The following CCDC85A variants were observed in gnomAD, a reference collection of about 807,000 sequenced individuals.
The protein encoded by CCDC85A is coiled-coil domain containing 85A, also known as coiled-coil domain-containing protein 85A.
Under a neutral mutation model 50.2 loss-of-function variants are expected in CCDC85A, and 38 were observed. The ratio of observed to expected loss-of-function variants is 0.76; its 90% CI spans 0.58 to 0.99. CCDC85A has a LOEUF of 0.99. Among genes scored for constraint, CCDC85A ranks in the 50% least tolerant of loss-of-function variants. CCDC85A has a pLI of 0.00. For missense variants in CCDC85A, 820 were observed against 742.0 expected (o/e 1.11, Z -1.22); for synonymous variants, 366 against 301.4 (o/e 1.21, Z -2.22).
chr2:56,215,631 TC>T (rs1159646413), intron 2 of CCDC85A, among the ~76,000 whole-genome samples: 1 of 151,790 alleles, frequency 6.6e-6, no homozygotes, highest in Non-Finnish European at 1.5e-5. Context: ...AAATGCTTTT[TC>T]TATGTCAGTT....
chr2:56,265,278 C>G (rs930072446), intron 2 of CCDC85A, among the ~76,000 whole-genome samples: 45 of 152,308 alleles, frequency 3.0e-4, no homozygotes, highest in African/African-American at 1.0e-3. Context: ...AACAAACTAA[C>G]TAGAGTAATC....
chr2:56,323,477 G>A (rs531000379), intron 2 of CCDC85A, among the ~76,000 whole-genome samples: 3 of 151,966 alleles, frequency 2.0e-5, no homozygotes, highest in South Asian at 2.1e-4. Flanking sequence ...ATTTAGGTTC[G>A]AGTGAACAGA....
At chr2:56,242,637 A>G (rs565501204) in intron 2 of CCDC85A, among the ~76,000 whole-genome samples, 1 of 152,178 alleles carries the variant, frequency 6.6e-6, no homozygotes, top group African/African-American at 2.4e-5. Context: ...ACAATTCAAC[A>G]TAAAATTTGA....
rs555851688 is a variant in CCDC85A at position 56,378,688 on chromosome 2, A to ACT, written c.1572+2756_1572+2757dup. On this transcript the variant is annotated intron_variant, in intron 5 of 5. Transcript: ENST00000407595. ...ATCAGATTATTTATTACAGGATCGAACTCTAGTTAGATTCAGATAGTGTCC... is the reference window on the plus strand; with the variant it reads ...ATCAGATTATTTATTACAGGATCGAACTCTCTAGTTAGATTCAGATAGTGTCC... 1.3e-3 allele frequency among the ~76,000 whole-genome samples: 192 copies of ACT among 152,288 alleles called. 2 individuals are homozygous for ACT. The highest frequency in any genetic ancestry group is 4.3e-3 in the African/African-American group (180 of 41,540).
intron 2 of CCDC85A, among the ~76,000 whole-genome samples, chr2:56,270,284 T>C (rs1227449607): frequency 6.6e-6 from 1 of 152,172 alleles, no homozygotes; most frequent in Admixed American, 6.5e-5. Context: ...TTTCATACTT[T>C]GATAGCAAAG....
intron 5 of CCDC85A, among the ~76,000 whole-genome samples, chr2:56,380,253 G>GA (rs1676520226): frequency 6.6e-6 from 1 of 152,062 alleles, no homozygotes; most frequent in Non-Finnish European, 1.5e-5. Flanking sequence ...ACTATTCTTG[G>GA]AAAAAATCGC....
intron 3 of CCDC85A, among the ~76,000 whole-genome samples, chr2:56,359,353 C>A (rs541133667): frequency 2.6e-5 from 4 of 152,212 alleles, no homozygotes; most frequent in African/African-American, 9.6e-5. Context: ...GGAAGATCCT[C>A]CCATATAGAA....
At chr2:56,228,925 T>C (rs1427846564) in intron 2 of CCDC85A, among the ~76,000 whole-genome samples, 1 of 152,234 alleles carries the variant, frequency 6.6e-6, no homozygotes, top group African/African-American at 2.4e-5. Context: ...CTTCCATTTA[T>C]TGGACAATAA....
intron 2 of CCDC85A, among the ~76,000 whole-genome samples, chr2:56,335,397 CTT>C (rs1040474422): frequency 3.9e-5 from 6 of 152,094 alleles, no homozygotes; most frequent in Admixed American, 3.9e-4. Context: ...CTATTGGCCT[CTT>C]TTGCTGAGAG....
At chr2:56,362,703 C>G (rs114566775) in intron 3 of CCDC85A, among the ~76,000 whole-genome samples, 2 of 152,152 alleles carry the variant, frequency 1.3e-5, no homozygotes, top group Non-Finnish European at 2.9e-5. Context: ...ATTGCAACCT[C>G]TGCAACCTGG....
intron 2 of CCDC85A, among the ~76,000 whole-genome samples, chr2:56,341,470 T>C (rs961112622): frequency 2.0e-5 from 3 of 152,194 alleles, no homozygotes; most frequent in Non-Finnish European, 4.4e-5. Context: ...AGAAGTGTGC[T>C]CTGGAGAAAG....
chr2:56,303,597 A>T lies in CCDC85A; in HGVS notation c.1241-39282A>T, dbSNP rs553956586. Among the ~76,000 whole-genome samples, 8 of 152,268 alleles carry T rather than the reference A, an allele frequency of 5.3e-5. No individual in the cohort carries two copies. In the East Asian group the frequency reaches 1.5e-3, roughly 29 times the overall value. ...GGATAGTAATTGCTGTGAGTGGAAG[A>T]CTTGGGAGAATGAATGAGGAATTGG... On this transcript the variant is annotated intron_variant, in intron 2 of 5. Coordinates refer to ENST00000407595, the MANE Select transcript of CCDC85A (RefSeq NM_001080433.2).
chr2:56,275,854 A>G (rs759486231), intron 2 of CCDC85A, among the ~76,000 whole-genome samples: 1 of 152,196 alleles, frequency 6.6e-6, no homozygotes, highest in Admixed American at 6.5e-5. Flanking sequence ...TCTGAGAATC[A>G]GGAGGCAAAA....
In CCDC85A at chr2:56,229,305, A is replaced by G. The variant is rs146050748; in HGVS notation, c.1240+35865A>G. Among the ~76,000 whole-genome samples the G allele has an allele frequency of 7.9e-3, 1,204 of 152,284 alleles. 13 individuals carry two copies. Among genetic ancestry groups the G allele is most frequent in the South Asian group, 0.011 (54 of 4,824 alleles). ...CGTAGACTTATGTCTGTAAATTTGT[A>G]CTATTGTGCATTTTATTTTTTCCTT... On this transcript the variant is annotated intron_variant, in intron 2 of 5. Coordinates refer to ENST00000407595, the MANE Select transcript of CCDC85A (RefSeq NM_001080433.2).
intron 2 of CCDC85A, among the ~76,000 whole-genome samples, chr2:56,237,499 A>G (rs10490397): frequency 0.15 from 22,509 of 152,252 alleles, 2,064 homozygotes; most frequent in East Asian, 0.29. Context: ...AATAATCGCC[A>G]GTGTATGGCA....
chr2:56,248,091 A>T (rs536584558), intron 2 of CCDC85A, among the ~76,000 whole-genome samples: 1 of 152,290 alleles, frequency 6.6e-6, no homozygotes, highest in Admixed American at 6.5e-5. Flanking sequence ...GATATAAGTG[A>T]TATTACCCGG....
intron 3 of CCDC85A, among the ~76,000 whole-genome samples, chr2:56,343,865 C>A (rs890838785): frequency 1.3e-5 from 2 of 152,158 alleles, no homozygotes; most frequent in Middle Eastern, 6.4e-3. Flanking sequence ...GTTGGTATTT[C>A]AGGAGAAGAA....
rs1055801272 is a variant in CCDC85A at position 56,369,875 on chromosome 2, A to T, written c.1318-2469A>T. Reference sequence around the variant, plus strand: ...CACTATTACCTCTATAGAAGTTTCCAGAGTTTTCAAGGAATAAAAACTATT... The same window carrying T: ...CACTATTACCTCTATAGAAGTTTCCTGAGTTTTCAAGGAATAAAAACTATT... On this transcript the variant is annotated intron_variant, in intron 3 of 5. Coordinates refer to ENST00000407595, the MANE Select transcript of CCDC85A (RefSeq NM_001080433.2). 2.6e-5 allele frequency among the ~76,000 whole-genome samples: 4 copies of T among 152,272 alleles called. No homozygotes were observed. In the East Asian group the frequency reaches 7.7e-4, roughly 29 times the overall value.
intron 1 of CCDC85A, among the ~76,000 whole-genome samples, chr2:56,186,979 C>A (rs1676076356): frequency 6.6e-6 from 1 of 152,170 alleles, no homozygotes; most frequent in Non-Finnish European, 1.5e-5. Context: ...CTTCTCATGT[C>A]ATCCCTGGGC....
Sources: gnomAD v4.1 joint callset for allele counts (sites outside exome capture counted in the v4.1 genomes callset) on GRCh38, gnomAD v4.1.1 for gene constraint, MANE v1.5 for transcripts, NCBI Gene and HGNC (gene_info 2026-07-23, HGNC 2026-07-21) for gene names.